The following TM6SF1 variants were observed in gnomAD, a reference collection of about 807,000 sequenced individuals.
The protein encoded by TM6SF1 is transmembrane 6 superfamily member 1.
A neutral mutation model predicts 47.1 loss-of-function variants in TM6SF1; 43 were observed. The ratio of observed to expected loss-of-function variants is 0.91; its 90% CI spans 0.72 to 1.18. TM6SF1 has a LOEUF of 1.18. Among genes scored for constraint, TM6SF1 ranks in the 50% most tolerant of loss-of-function variants. The pLI is 0.00. For synonymous variants in TM6SF1, 177 were observed against 166.3 expected (o/e 1.06, Z -0.49); for missense variants, 390 against 449.0 (o/e 0.87, Z 1.19).
intron 9 of TM6SF1, chr15:83,128,519 A>C (rs907901852): frequency 6.6e-6 from 1 of 152,002 alleles, no homozygotes; most frequent in Non-Finnish European, 1.5e-5. Context: ...CTTGGGGTTT[A>C]TTTCTGTATT....
At chr15:83,116,815 G>A (rs1301731241) in intron 3 of TM6SF1, among the ~76,000 whole-genome samples, 1 of 152,222 alleles carries the variant, frequency 6.6e-6, no homozygotes, top group Non-Finnish European at 1.5e-5. Flanking sequence ...CAAATTGGGA[G>A]TGATGGGAAG....
At chr15:83,121,078 T>C (rs1253174044) in intron 4 of TM6SF1, among the ~76,000 whole-genome samples, 1 of 152,038 alleles carries the variant, frequency 6.6e-6, no homozygotes, top group Non-Finnish European at 1.5e-5. Flanking sequence ...GGAACTTTTT[T>C]TTTTTATTTT....
Position 83,108,843 on chromosome 15 carries a change from C to T in TM6SF1, c.92+1071C>T, listed in dbSNP as rs570111085. ...CCGCCTGATACAGGCAGCACCCACACTGAGTGCTCACCAGGCACCAGCAGT... is the reference window on the plus strand; with the variant it reads ...CCGCCTGATACAGGCAGCACCCACATTGAGTGCTCACCAGGCACCAGCAGT... On this transcript the variant is annotated intron_variant, in intron 1 of 9. Transcript: ENST00000322019. 2.1e-4 allele frequency among the ~76,000 whole-genome samples: 32 copies of T among 152,368 alleles called. No homozygotes were observed. In the South Asian group the frequency reaches 6.6e-3, roughly 32 times the overall value.
rs559443564 is a variant in TM6SF1 at position 83,110,859 on chromosome 15, A to T, written c.93-1938A>T. On this transcript the variant is annotated intron_variant, in intron 1 of 9. Transcript: ENST00000322019. ...GAAACAGCCACCCTCATTCTTTTTT[A>T]AAAAATGTAATTAATTGTTATTATT... 7.0e-4 allele frequency among the ~76,000 whole-genome samples: 106 copies of T among 152,198 alleles called. 1 individual carries two copies. The highest frequency in any genetic ancestry group is 2.4e-3 in the African/African-American group (98 of 41,522).
In TM6SF1 at chr15:83,122,777, T is replaced by C; in HGVS notation, c.502T>C (p.Cys168Arg). The change falls in exon 6 of 10, where the codon TGC (cysteine) becomes CGC (arginine). Residue 168 changes from cysteine to arginine, a missense_variant. Coordinates refer to ENST00000322019, the MANE Select transcript of TM6SF1 (RefSeq NM_023003.5). Reference protein sequence around the residue: ...NIVGKYGTRICPAFFLSIPYT... With the variant: ...NIVGKYGTRIRPAFFLSIPYT... ...AATAGGGAAGTATGGAACACGAATT[T>C]GCCCTGCTTTTTTCTTAAGCATACC... 2 of 1,614,076 alleles carry C rather than the reference T, an allele frequency of 1.2e-6. No individual in the cohort carries two copies. The highest frequency in any genetic ancestry group is 1.7e-6 in the Non-Finnish European group (2 of 1,180,004).
intron 7 of TM6SF1, among the ~76,000 whole-genome samples, chr15:83,125,088 A>T (rs1235880438): frequency 1.3e-5 from 2 of 152,138 alleles, no homozygotes; most frequent in Non-Finnish European, 2.9e-5. Flanking sequence ...TTTAAATGTA[A>T]ATATCTTTGG....
At chr15:83,126,909 C>A in intron 8 of TM6SF1, 62 bp downstream of exon 8, 1 of 1,375,162 alleles carries the variant, frequency 7.3e-7, no homozygotes, top group Non-Finnish European at 1.0e-6. Context: ...AAAATGGGTC[C>A]CAGCTGGGTG....
intron 3 of TM6SF1, among the ~76,000 whole-genome samples, chr15:83,118,717 C>T (rs2034930777): frequency 6.6e-6 from 1 of 151,812 alleles, no homozygotes; most frequent in South Asian, 2.1e-4. Context: ...CATCTTACAG[C>T]GTGAAACAAG....
intron 5 of TM6SF1, 39 bp from the exon 6 acceptor site, chr15:83,122,718 G>A: frequency 6.2e-7 from 1 of 1,605,546 alleles, no homozygotes; most frequent in Non-Finnish European, 8.5e-7. Context: ...TGTTAGATAT[G>A]CTTTTGGTAA....
At chr15:83,135,552 T>G (rs2036548933) in intron 9 of TM6SF1, 1 of 152,200 alleles carries the variant, frequency 6.6e-6, no homozygotes, top group Non-Finnish European at 1.5e-5. Flanking sequence ...GATACAAGCC[T>G]TCTGAGGAAA....
intron 9 of TM6SF1, chr15:83,130,233 A>C (rs1461266124): frequency 1.3e-5 from 2 of 152,374 alleles, no homozygotes; most frequent in Non-Finnish European, 2.9e-5. Context: ...CAGGAAGCTT[A>C]GGAAGGTCAT....
intron 4 of TM6SF1, 68 bp downstream of exon 4, chr15:83,119,749 G>A (rs1483360928): frequency 1.2e-5 from 19 of 1,604,338 alleles, no homozygotes; most frequent in Middle Eastern, 1.7e-4. Flanking sequence ...GTAAGGAAAC[G>A]TTATGCATAG....
chr15:83,108,531 G>A (rs1369376649), intron 1 of TM6SF1, among the ~76,000 whole-genome samples: 2 of 152,178 alleles, frequency 1.3e-5, no homozygotes, highest in African/African-American at 4.8e-5. Flanking sequence ...GAGGGGGACA[G>A]GGCTTGGGTT....
At position 83,112,848 on chromosome 15, in the gene TM6SF1, G is replaced by A; in HGVS notation, c.144G>A (p.Leu48=). 4 of 1,614,146 alleles carry A rather than the reference G, an allele frequency of 2.5e-6. No individual in the cohort carries two copies. The highest frequency in any genetic ancestry group is 1.3e-5 in the African/African-American group (1 of 75,046). Residue 48 remains leucine, a synonymous_variant, in exon 2 of 10, where the codon CTG becomes CTA. Transcript: ENST00000322019. ...CCCTCATCCTGTTCCTGGTAGCACTGCTGGCTCGTGTCCTCGTCAAAAGAA... is the reference window on the plus strand; with the variant it reads ...CCCTCATCCTGTTCCTGGTAGCACTACTGGCTCGTGTCCTCGTCAAAAGAA... ...VAALILFLVA[L]LARVLVKRKP...
intron 9 of TM6SF1, chr15:83,127,852 T>A (rs1428249145): frequency 1.5e-5 from 4 of 261,804 alleles, no homozygotes; most frequent in African/African-American, 9.3e-5. Flanking sequence ...CCATCCAAAT[T>A]TAAGACTTCA....
intron 3 of TM6SF1, among the ~76,000 whole-genome samples, 195 bp downstream of exon 3, chr15:83,116,137 C>T (rs186894923): frequency 2.0e-5 from 3 of 152,304 alleles, no homozygotes; most frequent in Admixed American, 1.3e-4. Flanking sequence ...AGAGGCAATT[C>T]TCTCCAACAT....
chr15:83,127,746 C>T lies in TM6SF1; in HGVS notation c.921+269C>T, dbSNP rs1225004107. On this transcript the variant is annotated intron_variant, in intron 9 of 9. Transcript: ENST00000322019. ...TAAATGATTTGCCCAAGGTTACACACCCAGCATGTGGCATTGTTGTTTTAT... is the reference window on the plus strand; with the variant it reads ...TAAATGATTTGCCCAAGGTTACACATCCAGCATGTGGCATTGTTGTTTTAT... The T allele has an allele frequency of 1.7e-5, 6 of 355,668 alleles. No homozygotes were observed. The East Asian group carries it at 4.5e-4, about 27-fold the overall frequency. The allele number at this position is 355,668 out of a possible 1,614,324, so 22.0% of individuals were successfully genotyped here.
chr15:83,113,708 T>G (rs137954147), intron 2 of TM6SF1: 3 of 152,790 alleles, frequency 2.0e-5, no homozygotes, highest in Admixed American at 6.5e-5. Flanking sequence ...GGCTGTTCTC[T>G]GACTCCTTGT....
At chr15:83,134,875 C>T (rs1318488300) in intron 9 of TM6SF1, 1 of 152,236 alleles carries the variant, frequency 6.6e-6, no homozygotes, top group African/African-American at 2.4e-5. Flanking sequence ...GAGCCATGCT[C>T]CTGCTCAGAG....
Sources: gnomAD v4.1 joint callset for allele counts (sites outside exome capture counted in the v4.1 genomes callset) on GRCh38, gnomAD v4.1.1 for gene constraint, MANE v1.5 for transcripts, NCBI Gene and HGNC (gene_info 2026-07-23, HGNC 2026-07-21) for gene names.